Variants in AMPH observed in about 807,000 individuals in gnomAD.
AMPH encodes the protein amphiphysin.
A neutral mutation model predicts 99.1 loss-of-function variants in AMPH; 49 were observed. The observed-to-expected ratio is 0.49, with a 90% CI of 0.39 to 0.63. The LOEUF (loss-of-function observed/expected upper bound fraction) is 0.63, where lower values mean the gene tolerates loss of function less well. Ranked by LOEUF, AMPH falls within the 20% of genes least tolerant of loss-of-function variation. The pLI is 0.00. For missense variants in AMPH, 759 were observed against 863.4 expected, an observed-to-expected ratio of 0.88 and a Z score of 1.52; for synonymous variants, 314 against 317.3, an observed-to-expected ratio of 0.99 and a Z score of 0.11.
At chr7:38,424,333 G>A (rs995470964) in intron 15 of AMPH, among the ~76,000 whole-genome samples, 2 of 152,176 alleles carry the variant, frequency 1.3e-5, no homozygotes, top group Middle Eastern at 3.4e-3. Context: ...GAATAGAAAG[G>A]GTTAAGCAAG....
intron 5 of AMPH, among the ~76,000 whole-genome samples, chr7:38,482,145 A>G (rs1788306683): frequency 6.6e-6 from 1 of 152,116 alleles, no homozygotes; most frequent in Non-Finnish European, 1.5e-5. Flanking sequence ...CTCAACTGTT[A>G]CTTGTGTTAT....
chr7:38,593,844 G>C (rs575431630), intron 1 of AMPH, among the ~76,000 whole-genome samples: 1 of 152,214 alleles, frequency 6.6e-6, no homozygotes, highest in Non-Finnish European at 1.5e-5. Context: ...AAGGCTCAGG[G>C]TATAAGAAGG....
intron 1 of AMPH, among the ~76,000 whole-genome samples, chr7:38,625,879 C>T (rs1362110332): frequency 6.6e-6 from 1 of 151,974 alleles, no homozygotes; most frequent in African/African-American, 2.4e-5. Flanking sequence ...ACTCATGAAG[C>T]TGAACACTTA....
chr7:38,621,427 C>T (rs1217365044), intron 1 of AMPH, among the ~76,000 whole-genome samples: 2 of 152,112 alleles, frequency 1.3e-5, no homozygotes, highest in Non-Finnish European at 2.9e-5. Context: ...ATTAGATTCT[C>T]AATAAATGGC....
At chr7:38,530,605 T>C (rs1790361444) in intron 2 of AMPH, among the ~76,000 whole-genome samples, 1 of 152,222 alleles carries the variant, frequency 6.6e-6, no homozygotes, top group Non-Finnish European at 1.5e-5. Flanking sequence ...CAAGGTATCT[T>C]CTTTTAATTA....
intron 4 of AMPH, among the ~76,000 whole-genome samples, chr7:38,492,292 T>A (rs775020006): frequency 6.6e-5 from 10 of 152,182 alleles, no homozygotes; most frequent in South Asian, 2.1e-4. Context: ...CCAGACTTCA[T>A]CCTCCTTGCT....
intron 17 of AMPH, among the ~76,000 whole-genome samples, chr7:38,417,292 C>T (rs1785414690): frequency 1.4e-5 from 2 of 143,260 alleles, no homozygotes; most frequent in Non-Finnish European, 3.1e-5. Context: ...ACAAAACATC[C>T]TCAAGGTCCG....
At chr7:38,513,164 A>G (rs1789605371) in intron 2 of AMPH, among the ~76,000 whole-genome samples, 1 of 152,230 alleles carries the variant, frequency 6.6e-6, no homozygotes, top group South Asian at 2.1e-4. Context: ...GTGTAATCAA[A>G]ACACATATTT....
chr7:38,507,248 G>A (rs3807411), intron 2 of AMPH, among the ~76,000 whole-genome samples: 36,637 of 151,912 alleles, frequency 0.24, 4,811 homozygotes, highest in Non-Finnish European at 0.3. Flanking sequence ...TTTTATATAA[G>A]AGTGGAACAA....
At chr7:38,610,991 A>G (rs531833366) in intron 1 of AMPH, among the ~76,000 whole-genome samples, 18 of 152,352 alleles carry the variant, frequency 1.2e-4, no homozygotes, top group African/African-American at 4.3e-4. Context: ...AACTGAAAAC[A>G]GAATCTTGAA....
intron 20 of AMPH, among the ~76,000 whole-genome samples, chr7:38,388,855 G>A (rs539008965): frequency 1.3e-5 from 2 of 152,122 alleles, no homozygotes; most frequent in African/African-American, 4.8e-5. Flanking sequence ...TGTTGACCAG[G>A]CTGGTCTGGA....
chr7:38,519,955 T>C (rs545515588), intron 2 of AMPH, among the ~76,000 whole-genome samples: 1 of 152,122 alleles, frequency 6.6e-6, no homozygotes, highest in Non-Finnish European at 1.5e-5. Context: ...ATAAAAGGAA[T>C]AAAATTGTGC....
At chr7:38,510,249 G>A (rs1789488488) in intron 2 of AMPH, among the ~76,000 whole-genome samples, 3 of 152,068 alleles carry the variant, frequency 2.0e-5, no homozygotes, top group Admixed American at 2.0e-4. Flanking sequence ...CTGTGTGCGT[G>A]CGTCCCTGTT....
At chr7:38,489,118 C>A (rs181321415) in intron 5 of AMPH, among the ~76,000 whole-genome samples, 22 of 152,226 alleles carry the variant, frequency 1.4e-4, no homozygotes, top group Admixed American at 5.2e-4. Flanking sequence ...GTAATTAAAA[C>A]AGCATTGTCC....
intron 2 of AMPH, among the ~76,000 whole-genome samples, chr7:38,522,130 C>G (rs1342991073): frequency 1.3e-5 from 2 of 152,176 alleles, no homozygotes; most frequent in Non-Finnish European, 1.5e-5. Context: ...AAACCAAGAA[C>G]CACATTTTAA....
intron 11 of AMPH, among the ~76,000 whole-genome samples, chr7:38,442,625 T>C (rs963044772): frequency 2.6e-5 from 4 of 151,724 alleles, no homozygotes; most frequent in African/African-American, 4.8e-5. Context: ...AAAAAAGAAA[T>C]CAAAGTGGAA....
intron 14 of AMPH, chr7:38,427,722 G>A (rs983568380): frequency 1.1e-5 from 4 of 351,352 alleles, no homozygotes. Flanking sequence ...CAATCTGTTA[G>A]AGAGATCAGG....
At chr7:38,599,536 A>C (rs1793172736) in intron 1 of AMPH, among the ~76,000 whole-genome samples, 1 of 152,248 alleles carries the variant, frequency 6.6e-6, no homozygotes. Context: ...ACTATCGTTA[A>C]GGTTTCCAGT....
intron 1 of AMPH, among the ~76,000 whole-genome samples, chr7:38,593,025 T>C (rs1168781835): frequency 6.6e-6 from 1 of 152,210 alleles, no homozygotes; most frequent in Non-Finnish European, 1.5e-5. Context: ...AGTGATCCAA[T>C]TGTAATTGAA....
Sources: gnomAD v4.1 joint callset for allele counts (sites outside exome capture counted in the v4.1 genomes callset) on GRCh38, gnomAD v4.1.1 for gene constraint, MANE v1.5 for transcripts, NCBI Gene and HGNC (gene_info 2026-07-23, HGNC 2026-07-21) for gene names.